CNPY1: variants seen among roughly 807,000 people sequenced by gnomAD.
The protein encoded by CNPY1 is canopy FGF signaling regulator 1.
A neutral mutation model predicts 14.4 loss-of-function variants in CNPY1; 14 were observed. The ratio of observed to expected loss-of-function variants is 0.97; its 90% CI spans 0.64 to 1.52. The LOEUF (loss-of-function observed/expected upper bound fraction) is 1.52, where lower values mean the gene tolerates loss of function less well. CNPY1 is among the 40% of genes most tolerant of loss of function. CNPY1 has a pLI of 0.00. For missense variants in CNPY1, 129 were observed against 131.5 expected, an observed-to-expected ratio of 0.98 and a Z score of 0.09; for synonymous variants, 43 against 46.5, an observed-to-expected ratio of 0.92 and a Z score of 0.31.
chr7:155,518,820 C>G (rs1022583213), intron 2 of CNPY1, among the ~76,000 whole-genome samples: 1 of 152,166 alleles, frequency 6.6e-6, no homozygotes, highest in African/African-American at 2.4e-5. Flanking sequence ...TTCCAGTACT[C>G]AGGGACGGGC....
At chr7:155,529,583 C>G (rs1796899663) in intron 2 of CNPY1, among the ~76,000 whole-genome samples, 1 of 152,076 alleles carries the variant, frequency 6.6e-6, no homozygotes. Flanking sequence ...GCATCACTGC[C>G]CCTCTGCCTC....
At chr7:155,517,438 C>T (rs940045958) in intron 2 of CNPY1, among the ~76,000 whole-genome samples, 1 of 152,218 alleles carries the variant, frequency 6.6e-6, no homozygotes, top group Non-Finnish European at 1.5e-5. Flanking sequence ...TATACAGCTG[C>T]AGCTGTATCC....
intron 2 of CNPY1, among the ~76,000 whole-genome samples, chr7:155,542,955 C>T (rs1384398890): frequency 6.6e-6 from 1 of 152,146 alleles, no homozygotes; most frequent in African/African-American, 2.4e-5. Context: ...GCTTTGCACA[C>T]ACTGGGTCCG....
intron 2 of CNPY1, among the ~76,000 whole-genome samples, chr7:155,521,525 C>CTT: frequency 6.6e-6 from 1 of 152,306 alleles, no homozygotes; most frequent in African/African-American, 2.4e-5. Context: ...CCCTGTCCTC[C>CTT]CAGCACTTGT....
chr7:155,507,488 A>AAAG (rs967226872), intron 3 of CNPY1, among the ~76,000 whole-genome samples: 9 of 149,168 alleles, frequency 6.0e-5, no homozygotes, highest in African/African-American at 2.2e-4. Flanking sequence ...AAAAAAAAAA[A>AAAG]AAAAAAAAAA....
chr7:155,523,287 A>G (rs1388399550), intron 2 of CNPY1, among the ~76,000 whole-genome samples: 2 of 152,240 alleles, frequency 1.3e-5, no homozygotes, highest in African/African-American at 4.8e-5. Flanking sequence ...AGTCTCATGT[A>G]CCGGAAACCG....
intron 2 of CNPY1, among the ~76,000 whole-genome samples, chr7:155,509,658 C>T (rs926934817): frequency 1.3e-5 from 2 of 152,176 alleles, no homozygotes; most frequent in African/African-American, 4.8e-5. Context: ...GCGTCCCCCA[C>T]GCTGCAGCCG....
At chr7:155,532,739 G>GAATTTTAA (rs1796962690) in intron 2 of CNPY1, among the ~76,000 whole-genome samples, 2 of 152,036 alleles carry the variant, frequency 1.3e-5, no homozygotes, top group South Asian at 4.2e-4. Context: ...AAAAGAATTT[G>GAATTTTAA]AATTTTAAAA....
chr7:155,523,171 A>G (rs1265338249), intron 2 of CNPY1, among the ~76,000 whole-genome samples: 1 of 152,186 alleles, frequency 6.6e-6, no homozygotes, highest in Non-Finnish European at 1.5e-5. Flanking sequence ...CAGAATTACA[A>G]AATCCGAGGC....
rs1248930241 is a variant in CNPY1 at position 155,501,708 on chromosome 7, T to G, written c.*1360A>C. 2 of 152,222 alleles carry G rather than the reference T, an allele frequency of 1.3e-5. No homozygotes were observed. Among genetic ancestry groups the G allele is most frequent in the Non-Finnish European group, 2.9e-5 (2 of 68,038 alleles). 9.4% of individuals were successfully genotyped at this position (152,222 alleles called of 1,614,324 possible). Reference sequence around the variant, plus strand: ...TAATTATTATTCAGTTCTATTTCCATCGTGTGTCAGCTCGGGTGCGAGTTC... The same window carrying G: ...TAATTATTATTCAGTTCTATTTCCAGCGTGTGTCAGCTCGGGTGCGAGTTC... On this transcript the variant is annotated 3_prime_UTR_variant, in exon 5 of 5. Coordinates refer to ENST00000636446, the MANE Select transcript of CNPY1 (RefSeq NM_001393663.1).
At chr7:155,504,689 A>AAC (rs61377945) in intron 4 of CNPY1, among the ~76,000 whole-genome samples, 5,573 of 145,212 alleles carry the variant, frequency 0.038, 147 homozygotes, top group African/African-American at 0.075. Context: ...CATACCCCCC[A>AAC]ACACACACAC....
intron 2 of CNPY1, among the ~76,000 whole-genome samples, chr7:155,526,710 G>T (rs1271523702): frequency 6.6e-6 from 1 of 152,180 alleles, no homozygotes; most frequent in African/African-American, 2.4e-5. Context: ...AAAATTAAAA[G>T]AATGCTATTA....
chr7:155,528,263 G>A (rs1015203501), intron 2 of CNPY1, among the ~76,000 whole-genome samples: 2 of 152,216 alleles, frequency 1.3e-5, no homozygotes, highest in Non-Finnish European at 2.9e-5. Flanking sequence ...CTCCACCAGA[G>A]CCTTATCCTC....
At chr7:155,515,788 T>G (rs576021026) in intron 2 of CNPY1, among the ~76,000 whole-genome samples, 1 of 152,228 alleles carries the variant, frequency 6.6e-6, no homozygotes, top group African/African-American at 2.4e-5. Context: ...GTTCATTTTC[T>G]GGTTCCCAGG....
At chr7:155,530,025 C>T (rs1488010818) in intron 2 of CNPY1, among the ~76,000 whole-genome samples, 3 of 152,084 alleles carry the variant, frequency 2.0e-5, no homozygotes, top group Non-Finnish European at 4.4e-5. Flanking sequence ...TCAAGTGATC[C>T]ACCCACCTCA....
intron 2 of CNPY1, among the ~76,000 whole-genome samples, chr7:155,535,833 C>G (rs1217418452): frequency 2.0e-5 from 3 of 152,154 alleles, no homozygotes; most frequent in Non-Finnish European, 2.9e-5. Flanking sequence ...GGACGGAGAG[C>G]CAGACTTCTC....
chr7:155,506,918 C>A, intron 4 of CNPY1, 102 bp downstream of exon 4: 14 of 691,362 alleles, frequency 2.0e-5, no homozygotes, highest in Non-Finnish European at 2.6e-5. Context: ...AGCCGTGGAT[C>A]GCAGAGGCAG....
rs200787079 is a variant in CNPY1, at chr7:155,509,058, A to G, written c.139T>C (p.Leu47=). ...AQSEAFLTDL[L]EKVCERMNDY... is the part of the protein sequence containing the mutation. ...TTCATTCGCTCACAGACTTTCTCCAAAAGATCCGTTAGGAACGCCTCCGAC... is the reference window on the plus strand; with the variant it reads ...TTCATTCGCTCACAGACTTTCTCCAGAAGATCCGTTAGGAACGCCTCCGAC... Residue 47 remains leucine, a synonymous_variant, in exon 3 of 5, where the codon TTG becomes CTG. Transcript: ENST00000636446. 210 of 1,606,284 alleles carry G rather than the reference A, an allele frequency of 1.3e-4. No homozygotes were observed. The highest frequency in any genetic ancestry group is 1.6e-4 in the Non-Finnish European group (190 of 1,177,842).
chr7:155,541,378 T>A (rs918176285), intron 2 of CNPY1, among the ~76,000 whole-genome samples: 2 of 152,190 alleles, frequency 1.3e-5, no homozygotes, highest in Non-Finnish European at 2.9e-5. Flanking sequence ...GGAGCTGAGG[T>A]CCCTGTACAT....
Sources: gnomAD v4.1 joint callset for allele counts (sites outside exome capture counted in the v4.1 genomes callset) on GRCh38, gnomAD v4.1.1 for gene constraint, MANE v1.5 for transcripts, NCBI Gene and HGNC (gene_info 2026-07-23, HGNC 2026-07-21) for gene names.